DCAF12: variants seen among roughly 807,000 people sequenced by gnomAD.
The protein encoded by DCAF12 is DDB1- and CUL4-associated factor 12.
In DCAF12, 28 loss-of-function variants were observed where a neutral mutation model predicts 52.8. The ratio of observed to expected loss-of-function variants is 0.53; its 90% CI spans 0.39 to 0.73. The LOEUF (loss-of-function observed/expected upper bound fraction) is 0.73. Among genes scored for constraint, DCAF12 ranks in the 30% least tolerant of loss-of-function variants. DCAF12 has a pLI of 0.00. For synonymous variants in DCAF12, 196 were observed against 215.5 expected, an observed-to-expected ratio of 0.91 and a Z score of 0.79; for missense variants, 425 against 552.2, an observed-to-expected ratio of 0.77 and a Z score of 2.31.
chr9:34,116,228 T>G (rs10971931), intron 2 of DCAF12, among the ~76,000 whole-genome samples: 32,559 of 151,378 alleles, frequency 0.22, 3,616 homozygotes, highest in Middle Eastern at 0.28. Flanking sequence ...ATGGTGGCAG[T>G]CGCCTTTAAT....
At chr9:34,098,037 G>C (rs960993157) in intron 5 of DCAF12, among the ~76,000 whole-genome samples, 2 of 152,174 alleles carry the variant, frequency 1.3e-5, no homozygotes, top group African/African-American at 4.8e-5. Flanking sequence ...ACCTGCAAAG[G>C]CATGTGCAAA....
chr9:34,119,685 T>C (rs1001174230), intron 2 of DCAF12, among the ~76,000 whole-genome samples: 1 of 149,564 alleles, frequency 6.7e-6, no homozygotes. Context: ...TTTCAACAAA[T>C]ACTATGTACT....
At chr9:34,104,812 G>A (rs1828879387) in intron 4 of DCAF12, among the ~76,000 whole-genome samples, 1 of 151,462 alleles carries the variant, frequency 6.6e-6, no homozygotes, top group African/African-American at 2.4e-5. Flanking sequence ...AGCTACTCAG[G>A]AGGCTGAGGC....
rs3814509 is a variant in DCAF12 at position 34,125,495 on chromosome 9, A to G, written c.79-218T>C. The G allele has an allele frequency of 1.3e-5, 8 of 624,758 alleles. No homozygotes were observed. In the East Asian group the frequency reaches 2.4e-4, roughly 19 times the overall value. The allele number at this position is 624,758 out of a possible 1,614,324, so 38.7% of individuals were successfully genotyped here. On this transcript the variant is annotated intron_variant, in intron 1 of 8. Coordinates refer to ENST00000361264, the MANE Select transcript of DCAF12 (RefSeq NM_015397.4). ...AGTCAAACTTACCAATGTGAATTAC[A>G]AGGGCTGAAAGTCAAGGGAATGAAT...
At chr9:34,117,225 T>A (rs1829101728) in intron 2 of DCAF12, among the ~76,000 whole-genome samples, 1 of 151,994 alleles carries the variant, frequency 6.6e-6, no homozygotes, top group Non-Finnish European at 1.5e-5. Context: ...ATAAGCTTTA[T>A]ATCTAGCAGT....
chr9:34,116,490 G>A (rs1242658376), intron 2 of DCAF12, among the ~76,000 whole-genome samples: 1 of 151,906 alleles, frequency 6.6e-6, no homozygotes, highest in Non-Finnish European at 1.5e-5. Flanking sequence ...GGCCAACAAA[G>A]TGAATGAAAC....
chr9:34,105,202 G>T (rs71521213), intron 4 of DCAF12, among the ~76,000 whole-genome samples: 1 of 151,888 alleles, frequency 6.6e-6, no homozygotes, highest in African/African-American at 2.4e-5. Context: ...GTGGTGAGCC[G>T]AGGTCGTGCT....
chr9:34,125,588 T>A, intron 1 of DCAF12: 1 of 496,810 alleles, frequency 2.0e-6, no homozygotes, highest in South Asian at 1.5e-5. Flanking sequence ...AAATGAGAGG[T>A]AGAGTGATTC....
At chr9:34,120,669 C>CAAAAA (rs71506167) in intron 2 of DCAF12, among the ~76,000 whole-genome samples, 11 of 117,072 alleles carry the variant, frequency 9.4e-5, no homozygotes, top group Non-Finnish European at 1.7e-4. Flanking sequence ...GACGCGGTCT[C>CAAAAA]AAAAAAAAAA....
chr9:34,089,700 C>A, intron 7 of DCAF12, 110 bp from the exon 8 acceptor site: 4 of 1,011,592 alleles, frequency 4.0e-6, no homozygotes, highest in Non-Finnish European at 5.6e-6. Flanking sequence ...CTGCTCCCCT[C>A]CACCCGCCCC....
At chr9:34,105,725 T>TTATC in intron 4 of DCAF12, among the ~76,000 whole-genome samples, 1 of 151,922 alleles carries the variant, frequency 6.6e-6, no homozygotes, top group African/African-American at 2.4e-5. Flanking sequence ...ACTTCCTTTT[T>TTATC]TATCTATCTA....
At chr9:34,094,931 T>C (rs902509604) in intron 6 of DCAF12, among the ~76,000 whole-genome samples, 1 of 152,096 alleles carries the variant, frequency 6.6e-6, no homozygotes, top group Admixed American at 6.6e-5. Context: ...CTTATACACA[T>C]AGAGTGAAGG....
At chr9:34,111,401 C>T (rs1829001062) in intron 2 of DCAF12, among the ~76,000 whole-genome samples, 1 of 152,194 alleles carries the variant, frequency 6.6e-6, no homozygotes, top group Non-Finnish European at 1.5e-5. Context: ...TGTAGGCTCC[C>T]AAGATATCCC....
chr9:34,094,212 C>T (rs767799161), intron 6 of DCAF12, among the ~76,000 whole-genome samples: 19 of 152,050 alleles, frequency 1.2e-4, no homozygotes, highest in Non-Finnish European at 2.5e-4. Flanking sequence ...TGAGACCAGG[C>T]TGGCCAACCT....
intron 4 of DCAF12, among the ~76,000 whole-genome samples, chr9:34,099,486 C>T (rs1373028212): frequency 6.6e-6 from 1 of 152,038 alleles, no homozygotes; most frequent in Admixed American, 6.6e-5. Context: ...CCTGCCTCAG[C>T]CTCTCAACGT....
intron 7 of DCAF12, 43 bp downstream of exon 7, chr9:34,093,243 T>C (rs750975946): frequency 3.1e-6 from 5 of 1,610,192 alleles, no homozygotes; most frequent in Non-Finnish European, 4.2e-6. Context: ...AGAACCCATA[T>C]GCAGTGCAGC....
intron 6 of DCAF12, among the ~76,000 whole-genome samples, chr9:34,094,546 T>C (rs1405627409): frequency 6.6e-6 from 1 of 151,414 alleles, no homozygotes; most frequent in Non-Finnish European, 1.5e-5. Context: ...TTTTTTTTTT[T>C]TTGAGACGGA....
Position 34,126,621 on chromosome 9 carries a change from A to G in DCAF12, c.-190T>C, listed in dbSNP as rs2131446752. The G allele has an allele frequency of 1.6e-6, 1 of 644,812 alleles. No individual in the cohort carries two copies. Among genetic ancestry groups the G allele is most frequent in the Non-Finnish European group, 2.6e-6 (1 of 387,328 alleles). The allele number at this position is 644,812 out of a possible 1,614,324, so 39.9% of individuals were successfully genotyped here. The stretch of plus-strand genomic sequence containing the variant: ...AAAGGAAAGAGAGAGGAAGGACTTG[A>G]GCCGGGAAAGGGAAGGGGAAGCGAG... On this transcript the variant is annotated 5_prime_UTR_variant, in exon 1 of 9. Transcript: ENST00000361264.
At chr9:34,100,024 C>T (rs1277761182) in intron 4 of DCAF12, among the ~76,000 whole-genome samples, 3 of 152,114 alleles carry the variant, frequency 2.0e-5, no homozygotes, top group South Asian at 2.1e-4. Context: ...GAGCCTTGGA[C>T]CCCCTTATGT....
Sources: allele counts gnomAD v4.1 joint callset (sites outside exome capture counted in the v4.1 genomes callset), GRCh38; gene constraint gnomAD v4.1.1; transcripts MANE v1.5; gene names NCBI Gene and HGNC (gene_info 2026-07-23, HGNC 2026-07-21).